The following MBD5 variants were observed in gnomAD, a reference collection of about 807,000 sequenced individuals.
The protein encoded by MBD5 is methyl-CpG binding domain protein 5.
Under a neutral mutation model 117.3 loss-of-function variants are expected in MBD5, and 13 were observed. That is an observed-to-expected ratio of 0.11 (90% CI 0.07 to 0.18). MBD5 has a LOEUF of 0.18. Ranked by LOEUF, MBD5 falls within the 10% of genes least tolerant of loss-of-function variation. MBD5 has a pLI of 1.00. For synonymous variants in MBD5, 727 were observed against 766.4 expected, an observed-to-expected ratio of 0.95 and a Z score of 0.85; for missense variants, 1,879 against 2,093.8, an observed-to-expected ratio of 0.90 and a Z score of 2.00.
intron 4 of MBD5, among the ~76,000 whole-genome samples, chr2:148,440,977 A>T (rs934008236): frequency 6.6e-6 from 1 of 152,182 alleles, no homozygotes; most frequent in Admixed American, 6.6e-5. Context: ...GCATTTTTAG[A>T]CATTGTTAGA....
chr2:148,066,736 C>T (rs1278665208), intron 1 of MBD5, among the ~76,000 whole-genome samples: 2 of 152,168 alleles, frequency 1.3e-5, no homozygotes, highest in African/African-American at 2.4e-5. Flanking sequence ...CCTTGGCCTC[C>T]CAAAGTGCTG....
chr2:148,368,946 G>T (rs1703778109), intron 4 of MBD5, among the ~76,000 whole-genome samples: 1 of 151,964 alleles, frequency 6.6e-6, no homozygotes, highest in South Asian at 2.1e-4. Context: ...GAAACCAATG[G>T]ATATCACATT....
chr2:148,212,998 A>G (rs991142316), intron 2 of MBD5, among the ~76,000 whole-genome samples: 1 of 152,082 alleles, frequency 6.6e-6, no homozygotes, highest in African/African-American at 2.4e-5. Context: ...CTACATGATA[A>G]CAGTGGCTTA....
intron 4 of MBD5, among the ~76,000 whole-genome samples, chr2:148,367,687 C>G (rs555413906): frequency 6.6e-6 from 1 of 152,222 alleles, no homozygotes; most frequent in South Asian, 2.1e-4. Context: ...AGATATTTCT[C>G]AAAAGAAGAC....
At chr2:148,153,274 C>G (rs1697745094) in intron 1 of MBD5, among the ~76,000 whole-genome samples, 2 of 152,100 alleles carry the variant, frequency 1.3e-5, no homozygotes, top group South Asian at 2.1e-4. Flanking sequence ...GGCCCCCACT[C>G]TCTTCTGGCT....
intron 3 of MBD5, among the ~76,000 whole-genome samples, chr2:148,293,896 A>G (rs924917707): frequency 2.6e-5 from 4 of 152,182 alleles, no homozygotes; most frequent in Non-Finnish European, 5.9e-5. Flanking sequence ...ATATATTTCT[A>G]TATGTGATAG....
intron 3 of MBD5, among the ~76,000 whole-genome samples, chr2:148,314,515 T>G (rs753949573): frequency 2.6e-5 from 4 of 151,556 alleles, no homozygotes; most frequent in Non-Finnish European, 5.9e-5. Flanking sequence ...GTAGCTGGGA[T>G]TACCGGCAGT....
At chr2:148,256,323 G>T (rs1012622585) in intron 3 of MBD5, among the ~76,000 whole-genome samples, 3 of 152,196 alleles carry the variant, frequency 2.0e-5, no homozygotes, top group Admixed American at 6.5e-5. Flanking sequence ...TGTAGGTGCC[G>T]ACTCTAACCA....
At chr2:148,072,228 A>G (rs180790458) in intron 1 of MBD5, among the ~76,000 whole-genome samples, 1 of 152,300 alleles carries the variant, frequency 6.6e-6, no homozygotes, top group Admixed American at 6.5e-5. Context: ...CCTTTGGGTA[A>G]TTAGACTACA....
intron 4 of MBD5, chr2:148,346,175 T>C (rs957932402): frequency 2.0e-5 from 3 of 150,154 alleles, no homozygotes; most frequent in African/African-American, 4.9e-5. Flanking sequence ...CTCTGAAAAA[T>C]AAACTCTATT....
chr2:148,387,356 G>C (rs1704404584), intron 4 of MBD5, among the ~76,000 whole-genome samples: 3 of 151,800 alleles, frequency 2.0e-5, no homozygotes, highest in Non-Finnish European at 4.4e-5. Flanking sequence ...TTCATGAGAG[G>C]AATGAAAGAA....
chr2:148,257,697 C>T (rs77064207), intron 3 of MBD5, among the ~76,000 whole-genome samples: 3,138 of 152,270 alleles, frequency 0.021, 63 homozygotes, highest in Middle Eastern at 0.054. Flanking sequence ...CAGCTAAATC[C>T]GTGGCAACTA....
intron 2 of MBD5, among the ~76,000 whole-genome samples, chr2:148,191,070 T>A (rs1290834664): frequency 2.2e-5 from 3 of 138,316 alleles, no homozygotes; most frequent in Non-Finnish European, 3.1e-5. Context: ...TCCTAAATAT[T>A]TATGCACCCA....
At chr2:148,287,041 C>A (rs1004332077) in intron 3 of MBD5, among the ~76,000 whole-genome samples, 2 of 151,740 alleles carry the variant, frequency 1.3e-5, no homozygotes, top group Non-Finnish European at 2.9e-5. Flanking sequence ...TAAAGAGGTT[C>A]TTTTTTTTGC....
chr2:148,045,510 A>AT (rs1694497233), intron 1 of MBD5, among the ~76,000 whole-genome samples: 1 of 152,184 alleles, frequency 6.6e-6, no homozygotes, highest in South Asian at 2.1e-4. Context: ...ATAGATATAG[A>AT]TGCTTGTATG....
Position 148,489,748 on chromosome 2 carries a change from T to C in MBD5, c.4116T>C (p.Ala1372=). ...GTGACCCATTAAATCTCTCCAGTGC[T>C]GTCAGTGCGGTCATTCATGGACGGA... ...SIGDPLNLSS[A]VSAVIHGRNM... is the part of the protein sequence containing the mutation. The change falls in exon 11 of 14, where the codon GCT becomes GCC. Residue 1372 remains alanine (A), a synonymous_variant. Coordinates refer to ENST00000642680, the MANE Select transcript of MBD5 (RefSeq NM_001378120.1). The C allele has an allele frequency of 1.9e-6, 3 of 1,614,210 alleles. No individual in the cohort carries two copies. Among genetic ancestry groups the C allele is most frequent in the Non-Finnish European group, 2.5e-6 (3 of 1,180,050 alleles).
intron 1 of MBD5, among the ~76,000 whole-genome samples, chr2:148,178,374 G>T (rs1022957528): frequency 6.6e-6 from 1 of 152,258 alleles, no homozygotes; most frequent in African/African-American, 2.4e-5. Flanking sequence ...CTCTGTTCAT[G>T]CAGGACACCA....
intron 2 of MBD5, among the ~76,000 whole-genome samples, chr2:148,196,853 G>T (rs1293187083): frequency 6.6e-6 from 1 of 151,288 alleles, no homozygotes; most frequent in Non-Finnish European, 1.5e-5. Context: ...TTGCACTGGT[G>T]TGTGTGTGTG....
intron 7 of MBD5, among the ~76,000 whole-genome samples, chr2:148,466,407 GTTA>G (rs1275971102): frequency 3.3e-5 from 5 of 152,060 alleles, no homozygotes; most frequent in Non-Finnish European, 7.4e-5. Context: ...CTGAACCACA[GTTA>G]TTATCTAAAT....
Sources: allele counts gnomAD v4.1 joint callset (sites outside exome capture counted in the v4.1 genomes callset), GRCh38; gene constraint gnomAD v4.1.1; transcripts MANE v1.5; gene names NCBI Gene and HGNC (gene_info 2026-07-23, HGNC 2026-07-21).